The following CEP128 variants were observed in gnomAD, a reference collection of about 807,000 sequenced individuals.
The protein encoded by CEP128 is centrosomal protein 128, also known as centrosomal protein 128kDa.
CEP128 carries 132 observed loss-of-function variants against 156.7 expected under a neutral mutation model. The ratio of observed to expected loss-of-function variants is 0.84; its 90% CI spans 0.73 to 0.97. The LOEUF is 0.97. CEP128 is among the 50% of genes least tolerant of loss of function. The pLI is 0.00. For missense variants in CEP128, 1,252 were observed against 1,281.9 expected (o/e 0.98, Z 0.36); for synonymous variants, 469 against 448.9 (o/e 1.04, Z -0.57).
chr14:80,755,885 G>GA (rs1899633713), intron 18 of CEP128, among the ~76,000 whole-genome samples: 2 of 152,186 alleles, frequency 1.3e-5, no homozygotes, highest in African/African-American at 4.8e-5. Flanking sequence ...TGCAGTAATA[G>GA]AAGGGGTCTG....
In CEP128 at chr14:80,802,525, C is replaced by G. The variant is rs1209129345; in HGVS notation, c.1210-9415G>C. On this transcript the variant is annotated intron_variant, in intron 13 of 24. Transcript: ENST00000555265. ...ACACAGAAAGAGGAACAACACACAC[C>G]AGGGGGGCCTGTTGGGGAGTGGGGG... is the stretch of plus-strand genomic sequence containing the variant. Among the ~76,000 whole-genome samples, 9 of 143,778 alleles carry G rather than the reference C, an allele frequency of 6.3e-5. No homozygotes were observed. The East Asian group carries it at 1.9e-3, about 30-fold the overall frequency. 94.3% of individuals were successfully genotyped at this position (143,778 alleles called of 152,430 possible). A position where few individuals can be genotyped will look rare whatever the true frequency, so the allele number is the denominator to read the frequency against.
intron 19 of CEP128, among the ~76,000 whole-genome samples, chr14:80,592,475 G>C (rs1197628789): frequency 6.6e-6 from 1 of 152,142 alleles, no homozygotes; most frequent in African/African-American, 2.4e-5. Context: ...TCCCTGAATA[G>C]GCCAATAACA....
At chr14:80,818,671 G>A (rs1172070963) in intron 13 of CEP128, among the ~76,000 whole-genome samples, 1 of 152,202 alleles carries the variant, frequency 6.6e-6, no homozygotes, top group Admixed American at 6.5e-5. Context: ...GCCCAGCAGG[G>A]AATCTTCCAA....
chr14:80,771,741 C>A (rs1900520823), intron 16 of CEP128, among the ~76,000 whole-genome samples: 1 of 152,132 alleles, frequency 6.6e-6, no homozygotes, highest in Non-Finnish European at 1.5e-5. Context: ...AAATAAGGTC[C>A]TCTAAAGAGA....
At chr14:80,492,264 G>A (rs946106550), downstream of CEP128, among the ~76,000 whole-genome samples, 9 of 152,180 alleles carry the variant, frequency 5.9e-5, no homozygotes, top group African/African-American at 2.2e-4. Flanking sequence ...AAAAATAGCT[G>A]TGTATTATCA....
chr14:80,840,450 C>T (rs563127254), intron 10 of CEP128, among the ~76,000 whole-genome samples: 19 of 152,232 alleles, frequency 1.2e-4, no homozygotes, highest in Admixed American at 3.3e-4. Context: ...GTTTAATTCA[C>T]CTCTCAGAAA....
chr14:80,693,450 T>G (rs1297809457), intron 19 of CEP128, among the ~76,000 whole-genome samples: 1 of 152,188 alleles, frequency 6.6e-6, no homozygotes, highest in Non-Finnish European at 1.5e-5. Flanking sequence ...TATTCTTTAA[T>G]GAGACATAGA....
At chr14:80,514,918 T>C (rs1594935427) in intron 23 of CEP128, among the ~76,000 whole-genome samples, 1 of 152,194 alleles carries the variant, frequency 6.6e-6, no homozygotes. Context: ...AAGTCTTTGG[T>C]CCCTGCAGCC....
At chr14:80,588,900 C>G (rs1220770415) in intron 19 of CEP128, among the ~76,000 whole-genome samples, 1 of 152,096 alleles carries the variant, frequency 6.6e-6, no homozygotes, top group African/African-American at 2.4e-5. Context: ...TCTCAGTCTC[C>G]TCATCCACAA....
At chr14:80,863,014 G>A (rs1422902977) in intron 8 of CEP128, 141 bp from the exon 9 acceptor site, 5 of 528,422 alleles carry the variant, frequency 9.5e-6, no homozygotes, top group Admixed American at 3.5e-5. Flanking sequence ...TTCTAATGAC[G>A]CTAACATGAA....
At chr14:80,710,374 G>A (rs1317472452) in intron 19 of CEP128, among the ~76,000 whole-genome samples, 1 of 151,968 alleles carries the variant, frequency 6.6e-6, no homozygotes, top group African/African-American at 2.4e-5. Flanking sequence ...TCTTGAAAAA[G>A]AAACAAAATA....
At chr14:80,821,022 T>C (rs551628516) in intron 13 of CEP128, among the ~76,000 whole-genome samples, 1 of 152,320 alleles carries the variant, frequency 6.6e-6, no homozygotes, top group East Asian at 1.9e-4. Flanking sequence ...TTTATATTAG[T>C]CATATGTTAT....
chr14:80,630,929 C>A (rs1273668452), intron 19 of CEP128, among the ~76,000 whole-genome samples: 1 of 151,934 alleles, frequency 6.6e-6, no homozygotes, highest in African/African-American at 2.4e-5. Flanking sequence ...TTTATTTGGG[C>A]TTCTGTTTTT....
rs185749753 is a variant in CEP128 at position 80,603,307 on chromosome 14, A to T, written c.2807-22884T>A. Among the ~76,000 whole-genome samples, 23 of 152,362 alleles carry T rather than the reference A, an allele frequency of 1.5e-4. No individual in the cohort carries two copies. The East Asian group carries it at 4.2e-3, about 28-fold the overall frequency. On this transcript the variant is annotated intron_variant, in intron 19 of 24. Coordinates refer to ENST00000555265, the MANE Select transcript of CEP128 (RefSeq NM_152446.5). ...AAATGGTCAGAACAGGCAAATCCAT[A>T]GAGACAAAAAGTAGATTTGTGGTTG...
At chr14:80,929,879 C>A (rs1594859024) in intron 2 of CEP128, among the ~76,000 whole-genome samples, 1 of 152,322 alleles carries the variant, frequency 6.6e-6, no homozygotes, top group East Asian at 1.9e-4. Flanking sequence ...CAGCCATGAG[C>A]CAAGGACCAC....
chr14:80,893,585 A>C (rs1399716622), intron 8 of CEP128, among the ~76,000 whole-genome samples: 1 of 151,978 alleles, frequency 6.6e-6, no homozygotes, highest in Non-Finnish European at 1.5e-5. Flanking sequence ...TACTATCTAC[A>C]TATATCCCAT....
At chr14:80,759,707 AAAACCC>A (rs1899856022) in intron 17 of CEP128, among the ~76,000 whole-genome samples, 1 of 152,170 alleles carries the variant, frequency 6.6e-6, no homozygotes, top group Non-Finnish European at 1.5e-5. Flanking sequence ...GAAGAAGTGT[AAAACCC>A]ATTACCACAG....
intron 19 of CEP128, among the ~76,000 whole-genome samples, chr14:80,675,686 TTTGC>T (rs1896031500): frequency 6.6e-6 from 1 of 152,128 alleles, no homozygotes; most frequent in Non-Finnish European, 1.5e-5. Context: ...AATTGGTCTC[TTTGC>T]TTTTTTGTTT....
At chr14:80,637,543 A>C (rs1032288019) in intron 19 of CEP128, among the ~76,000 whole-genome samples, 10 of 152,314 alleles carry the variant, frequency 6.6e-5, no homozygotes, top group African/African-American at 2.2e-4. Flanking sequence ...CACTCAGTAA[A>C]TAGTTTCTAA....
Sources: allele counts gnomAD v4.1 joint callset (sites outside exome capture counted in the v4.1 genomes callset), GRCh38; gene constraint gnomAD v4.1.1; transcripts MANE v1.5; gene names NCBI Gene and HGNC (gene_info 2026-07-23, HGNC 2026-07-21).